GPC6: variants seen among roughly 807,000 people sequenced by gnomAD.
The protein encoded by GPC6 is glypican 6.
Under a neutral mutation model 55.2 loss-of-function variants are expected in GPC6, and 14 were observed. The observed-to-expected ratio is 0.25, with a 90% CI of 0.17 to 0.40. The LOEUF (loss-of-function observed/expected upper bound fraction) is 0.40, where lower values mean the gene tolerates loss of function less well. Among genes scored for constraint, GPC6 ranks in the 10% least tolerant of loss-of-function variants. GPC6 has a pLI of 1.00. For synonymous variants in GPC6, 278 were observed against 259.6 expected (o/e 1.07, Z -0.68); for missense variants, 641 against 708.5 (o/e 0.90, Z 1.08).
chr13:93,944,912 G>A (rs936454057), intron 3 of GPC6, among the ~76,000 whole-genome samples: 4 of 152,102 alleles, frequency 2.6e-5, no homozygotes, highest in Non-Finnish European at 5.9e-5. Context: ...TGTGTGTGTT[G>A]GGGTGGGGAG....
At chr13:93,810,447 G>C (rs1886661520) in intron 2 of GPC6, among the ~76,000 whole-genome samples, 1 of 152,160 alleles carries the variant, frequency 6.6e-6, no homozygotes, top group South Asian at 2.1e-4. Flanking sequence ...CTTTAAAGTT[G>C]CTTTTGTTCG....
intron 1 of GPC6, among the ~76,000 whole-genome samples, chr13:93,447,825 G>T (rs374292105): frequency 6.6e-6 from 1 of 152,132 alleles, no homozygotes; most frequent in South Asian, 2.1e-4. Context: ...CATTGTTTCA[G>T]TGAACCTCTC....
chr13:94,232,889 C>T (rs1342005651), intron 4 of GPC6, among the ~76,000 whole-genome samples: 1 of 151,374 alleles, frequency 6.6e-6, no homozygotes, highest in Non-Finnish European at 1.5e-5. Flanking sequence ...AAGAATAAGT[C>T]AGGCACCAGA....
intron 1 of GPC6, among the ~76,000 whole-genome samples, chr13:93,314,238 C>T (rs763919607): frequency 1.3e-5 from 2 of 151,982 alleles, no homozygotes; most frequent in African/African-American, 2.4e-5. Flanking sequence ...AATAATACAA[C>T]GTAATGCATC....
intron 2 of GPC6, among the ~76,000 whole-genome samples, chr13:93,649,366 C>T (rs914380705): frequency 2.6e-5 from 4 of 152,104 alleles, no homozygotes; most frequent in African/African-American, 4.8e-5. Flanking sequence ...GTTAGAGGAT[C>T]GCTTGAGCCA....
chr13:93,830,094 T>A (rs953528187), intron 2 of GPC6, 60 bp from the exon 3 acceptor site: 6 of 1,254,732 alleles, frequency 4.8e-6, no homozygotes, highest in Non-Finnish European at 5.7e-6. Context: ...TTAAGGTAAG[T>A]GGGTGCCTTG....
intron 1 of GPC6, among the ~76,000 whole-genome samples, chr13:93,234,490 T>C (rs1876166129): frequency 6.6e-6 from 1 of 151,970 alleles, no homozygotes. Context: ...GGTTGCTCTA[T>C]AGAGAAAGGA....
chr13:93,365,049 T>C (rs1881190623), intron 1 of GPC6, among the ~76,000 whole-genome samples: 2 of 152,100 alleles, frequency 1.3e-5, no homozygotes, highest in Admixed American at 1.3e-4. Context: ...GATTTTTCTT[T>C]CTACCTCCAC....
In GPC6 at chr13:93,227,249, T is replaced by C. The variant is rs1875820172; in HGVS notation, c.-208T>C. 2.0e-6 allele frequency: 1 copy of C among 506,478 alleles called. No homozygotes were observed. The highest frequency in any genetic ancestry group is 3.5e-6 in the Non-Finnish European group (1 of 283,662). The allele number at this position is 506,478 out of a possible 1,614,324, so 31.4% of individuals were successfully genotyped here. On this transcript the variant is annotated 5_prime_UTR_variant, in exon 1 of 9. Transcript: ENST00000377047. This position sits in a 1 kb window ranked among gnomAD's most constrained non-coding sequence, Gnocchi z 4.3. ...CAGCAGCCTTCCCAGCCAGCCCTTG[T>C]TGGCTTGCCATCGTCCATCTGGCTT...
Position 93,397,410 on chromosome 13 carries a change from T to C in GPC6, c.161-147853T>C, listed in dbSNP as rs920939241. Among the ~76,000 whole-genome samples, 5 of 152,220 alleles carry C rather than the reference T, an allele frequency of 3.3e-5. No homozygotes were observed. In the East Asian group the frequency reaches 5.8e-4, roughly 18 times the overall value. ...AGATTTCCCTAATGATTAATACTAT[T>C]CAACATTTTCTCAAGTGCTGAGTCA... On this transcript the variant is annotated intron_variant, in intron 1 of 8. Transcript: ENST00000377047.
intron 2 of GPC6, among the ~76,000 whole-genome samples, chr13:93,580,528 T>C (rs1192742122): frequency 6.6e-6 from 1 of 152,242 alleles, no homozygotes; most frequent in Non-Finnish European, 1.5e-5. Context: ...TAACCTTTTA[T>C]TCATGTAACA....
At chr13:93,739,302 C>T (rs1464043139) in intron 2 of GPC6, among the ~76,000 whole-genome samples, 1 of 152,020 alleles carries the variant, frequency 6.6e-6, no homozygotes, top group Non-Finnish European at 1.5e-5. Context: ...CATGTGGCTT[C>T]TGTAATGTGC....
chr13:93,478,942 C>T (rs1477637862), intron 1 of GPC6, among the ~76,000 whole-genome samples: 2 of 152,130 alleles, frequency 1.3e-5, no homozygotes, highest in African/African-American at 2.4e-5. Flanking sequence ...TTTACAAAGT[C>T]CTGTAGCTGG....
At chr13:94,066,723 G>A (rs1171203563) in intron 4 of GPC6, among the ~76,000 whole-genome samples, 1 of 152,150 alleles carries the variant, frequency 6.6e-6, no homozygotes, top group Non-Finnish European at 1.5e-5. Context: ...GCTTGGCATT[G>A]TTAACTCTGA....
chr13:93,687,090 G>A (rs909262234), intron 2 of GPC6, among the ~76,000 whole-genome samples: 3 of 151,872 alleles, frequency 2.0e-5, no homozygotes, highest in African/African-American at 7.3e-5. Context: ...GGAATTCTTT[G>A]CTGGAATATT....
At chr13:93,555,208 A>G (rs993999756) in intron 2 of GPC6, among the ~76,000 whole-genome samples, 4 of 152,092 alleles carry the variant, frequency 2.6e-5, no homozygotes, top group Non-Finnish European at 4.4e-5. Context: ...CTTTCTCCTT[A>G]ATGCTTCTAG....
chr13:94,195,149 T>C (rs998738484), intron 4 of GPC6, among the ~76,000 whole-genome samples: 1 of 152,208 alleles, frequency 6.6e-6, no homozygotes, highest in Admixed American at 6.5e-5. Context: ...GGTGTCCCCA[T>C]GTCCAGTTAC....
At chr13:94,083,243 T>C (rs747527478) in intron 4 of GPC6, among the ~76,000 whole-genome samples, 9 of 152,188 alleles carry the variant, frequency 5.9e-5, no homozygotes, top group South Asian at 2.1e-4. Flanking sequence ...CTCACCCTCC[T>C]GAGTAGCTGG....
At chr13:94,248,208 T>C (rs1045610966) in intron 4 of GPC6, among the ~76,000 whole-genome samples, 4 of 152,152 alleles carry the variant, frequency 2.6e-5, no homozygotes, top group African/African-American at 9.7e-5. Flanking sequence ...ATTTGCATTT[T>C]CCCTCAAAAA....
Sources: gnomAD v4.1 joint callset for allele counts (sites outside exome capture counted in the v4.1 genomes callset) on GRCh38, gnomAD v4.1.1 for gene constraint, Gnocchi (gnomAD v3.1) non-coding constraint, MANE v1.5 for transcripts, NCBI Gene and HGNC (gene_info 2026-07-23, HGNC 2026-07-21) for gene names.